Variants in INO80D observed in about 807,000 individuals in gnomAD.
The protein encoded by INO80D is INO80 complex subunit D.
INO80D carries 21 observed loss-of-function variants against 87.6 expected under a neutral mutation model. That is an observed-to-expected ratio of 0.24 (90% CI 0.17 to 0.35). The LOEUF is 0.35. INO80D is among the 10% of genes least tolerant of loss of function. The pLI, the probability that INO80D is intolerant of heterozygous loss-of-function variation, is 1.00. For missense variants in INO80D, 982 were observed against 1,280.7 expected (o/e 0.77, Z 3.56); for synonymous variants, 440 against 491.0 (o/e 0.90, Z 1.37).
intron 1 of INO80D, among the ~76,000 whole-genome samples, chr2:206,078,551 T>C (rs1690185985): frequency 6.6e-6 from 1 of 152,102 alleles, no homozygotes; most frequent in Admixed American, 6.6e-5. Context: ...ATTCCAACAC[T>C]ATGGCAGGCT....
chr2:206,057,425 GAGAGACAGAGAA>G (rs1242525899), intron 3 of INO80D, among the ~76,000 whole-genome samples: 7 of 152,150 alleles, frequency 4.6e-5, no homozygotes, highest in Non-Finnish European at 8.8e-5. Flanking sequence ...CATATACAGA[GAGAGACAGAGAA>G]AGAGAGAGAG....
chr2:206,034,432 G>T (rs1362772294), intron 5 of INO80D, among the ~76,000 whole-genome samples: 1 of 152,108 alleles, frequency 6.6e-6, no homozygotes, highest in Non-Finnish European at 1.5e-5. Flanking sequence ...TGCAGAGATG[G>T]TTTAACATAA....
chr2:206,060,902 A>G (rs932099695), intron 3 of INO80D, among the ~76,000 whole-genome samples: 4 of 152,052 alleles, frequency 2.6e-5, no homozygotes, highest in Admixed American at 6.6e-5. Context: ...TAGAAACATG[A>G]AAGTCCTTTC....
At position 206,004,984 on chromosome 2, in the gene INO80D, G is replaced by A; in HGVS notation, c.2468C>T (p.Ser823Phe). 2 of 1,614,018 alleles carry A rather than the reference G, an allele frequency of 1.2e-6. No homozygotes were observed. The highest frequency in any genetic ancestry group is 1.7e-6 in the Non-Finnish European group (2 of 1,179,880). Residue 823 changes from serine to phenylalanine, a missense_variant, in exon 11 of 11, where the codon TCC (serine) becomes TTC (phenylalanine). Coordinates refer to ENST00000403263, the MANE Select transcript of INO80D (RefSeq NM_017759.5). This position sits in a 1 kb window ranked among gnomAD's most constrained non-coding sequence, Gnocchi z 4.9. Reference sequence around the variant, plus strand: ...ATCATAATGGCTTCCATGGGGTGAGGAGTGTGAGTGATCACTGCTGTATTG... The same window carrying A: ...ATCATAATGGCTTCCATGGGGTGAGAAGTGTGAGTGATCACTGCTGTATTG... ...RQQYSSDHSHSSPHGSHYDSE... is the reference protein window; with the variant it reads ...RQQYSSDHSHFSPHGSHYDSE...
At chr2:206,011,964 T>C (rs1448512227) in intron 8 of INO80D, among the ~76,000 whole-genome samples, 1 of 152,172 alleles carries the variant, frequency 6.6e-6, no homozygotes, top group East Asian at 1.9e-4. Context: ...AGACAACACA[T>C]GGTAACAAAC....
intron 1 of INO80D, among the ~76,000 whole-genome samples, chr2:206,079,484 A>G (rs945234875): frequency 6.6e-6 from 1 of 152,194 alleles, no homozygotes; most frequent in Admixed American, 6.5e-5. Flanking sequence ...CTACCATTTC[A>G]GCAGCCGTCT....
At chr2:206,077,767 CCT>C (rs1690158573) in intron 1 of INO80D, among the ~76,000 whole-genome samples, 1 of 152,070 alleles carries the variant, frequency 6.6e-6, no homozygotes, top group Admixed American at 6.6e-5. Context: ...AAACTAATGG[CCT>C]CTTTGTTACT....
At chr2:206,083,028 C>A (rs1327237510) in intron 1 of INO80D, among the ~76,000 whole-genome samples, 4 of 152,160 alleles carry the variant, frequency 2.6e-5, no homozygotes, top group Admixed American at 2.6e-4. Flanking sequence ...TAAACTAACA[C>A]TTAATAATAA....
chr2:206,016,525 T>C (rs894144681), intron 8 of INO80D, among the ~76,000 whole-genome samples: 2 of 152,182 alleles, frequency 1.3e-5, no homozygotes, highest in African/African-American at 2.4e-5. Flanking sequence ...AATGCTGAAA[T>C]GAGCTGAGAC....
chr2:206,062,726 G>T lies in INO80D; in HGVS notation c.218+73C>A, dbSNP rs566108855. ...AAATGAAGGACAGAAGAAAAGAGAA[G>T]AAAAAACAAGAAAAGAAAAAATTCC... On this transcript the variant is annotated intron_variant, in intron 3 of 10. Transcript: ENST00000403263. This position sits in a 1 kb window ranked among gnomAD's most constrained non-coding sequence, Gnocchi z 4.6. 8.5e-6 allele frequency: 11 copies of T among 1,288,320 alleles called. No homozygotes were observed. In the African/African-American group the frequency reaches 1.5e-4, roughly 18 times the overall value. 79.8% of individuals were successfully genotyped at this position (1,288,320 alleles called of 1,614,324 possible). A position where few individuals can be genotyped will look rare whatever the true frequency, so the allele number is the denominator to read the frequency against.
intron 9 of INO80D, 88 bp from the exon 10 acceptor site, chr2:206,007,529 A>T: frequency 6.9e-7 from 1 of 1,442,806 alleles, no homozygotes; most frequent in Non-Finnish European, 9.4e-7. Context: ...CATGAAAAGA[A>T]GCTAACGTCA....
In INO80D at chr2:206,056,803, A is replaced by C. The variant is rs758593822; in HGVS notation, c.359T>G (p.Leu120Trp). The C allele has an allele frequency of 6.2e-7, 1 of 1,612,548 alleles. No individual in the cohort carries two copies. Among genetic ancestry groups the C allele is most frequent in the South Asian group, 1.1e-5 (1 of 90,692 alleles). The change falls in exon 4 of 11, where the codon TTG (leucine) becomes TGG (tryptophan). Residue 120 changes from leucine to tryptophan, a missense_variant. Physicochemically the swap from Leu to Trp is moderately conservative, Grantham distance 61. Coordinates refer to ENST00000403263, the MANE Select transcript of INO80D (RefSeq NM_017759.5). The part of the protein sequence containing the change: ...AFSLTVPTLA[L>W]KMPNGLDGMS... The stretch of plus-strand genomic sequence containing the variant: ...TCCATCCAGTCCGTTGGGCATCTTC[A>C]AGGCCAACGTGGGCACTGTCAGGCT...
At chr2:206,034,615 T>C (rs997429985) in intron 5 of INO80D, among the ~76,000 whole-genome samples, 4 of 152,192 alleles carry the variant, frequency 2.6e-5, no homozygotes, top group East Asian at 1.9e-4. Flanking sequence ...AAGCCATCTA[T>C]AACAAACCCA....
chr2:206,064,305 G>C (rs1418520054), intron 1 of INO80D, among the ~76,000 whole-genome samples: 1 of 152,136 alleles, frequency 6.6e-6, no homozygotes, highest in Non-Finnish European at 1.5e-5. Context: ...ACACCATCTA[G>C]TCTATCATGA....
intron 1 of INO80D, among the ~76,000 whole-genome samples, chr2:206,076,513 T>C (rs1690120683): frequency 6.6e-6 from 1 of 152,212 alleles, no homozygotes. Flanking sequence ...TGAAAATCTA[T>C]CAACTGATGT....
rs1689717288 is a variant in INO80D at position 206,062,674 on chromosome 2, T to C, written c.218+125A>G. 4 of 771,342 alleles carry C rather than the reference T, an allele frequency of 5.2e-6. No homozygotes were observed. Among genetic ancestry groups the C allele is most frequent in the Non-Finnish European group, 8.4e-6 (4 of 476,986 alleles). The allele number at this position is 771,342 out of a possible 1,614,324, so 47.8% of individuals were successfully genotyped here. A position where few individuals can be genotyped will look rare whatever the true frequency, so the allele number is the denominator to read the frequency against. On this transcript the variant is annotated intron_variant, in intron 3 of 10. Coordinates refer to ENST00000403263, the MANE Select transcript of INO80D (RefSeq NM_017759.5). The surrounding 1 kb of genome is among the most constrained non-coding windows in gnomAD (Gnocchi z 4.6). Reference sequence around the variant, plus strand: ...GATTACCCCCAGAATTCAACATTTATATAGGTGGAGGAAGGGAGGGAGGGA... The same window carrying C: ...GATTACCCCCAGAATTCAACATTTACATAGGTGGAGGAAGGGAGGGAGGGA...
At position 206,085,368 on chromosome 2, in the gene INO80D, G is replaced by T. The variant is rs1690417498; in HGVS notation, c.-124+533C>A. ...AGACCCGGGGGAAGGGGAGCCGGGC[G>T]CCCATTCCCCACTCCCCACTCCTAG... On this transcript the variant is annotated intron_variant, in intron 1 of 10. Transcript: ENST00000403263. The surrounding 1 kb of genome is among the most constrained non-coding windows in gnomAD (Gnocchi z 4.5). Among the ~76,000 whole-genome samples the T allele has an allele frequency of 6.6e-6, 1 of 151,750 alleles. No individual in the cohort carries two copies. The highest frequency in any genetic ancestry group is 1.5e-5 in the Non-Finnish European group (1 of 67,862).
At chr2:206,025,542 A>AAATAT (rs71301548) in intron 6 of INO80D, 43 of 76,942 alleles carry the variant, frequency 5.6e-4, no homozygotes, top group Non-Finnish European at 8.2e-4. Context: ...AAAAAAAAAA[A>AAATAT]ATATATATAT....
At chr2:206,024,437 G>C (rs1173810571) in intron 6 of INO80D, among the ~76,000 whole-genome samples, 2 of 151,912 alleles carry the variant, frequency 1.3e-5, no homozygotes, top group Non-Finnish European at 2.9e-5. Flanking sequence ...GGATGTTCTA[G>C]AACAGATACT....
Sources: allele counts gnomAD v4.1 joint callset (sites outside exome capture counted in the v4.1 genomes callset), GRCh38; gene constraint gnomAD v4.1.1; non-coding constraint Gnocchi (gnomAD v3.1); transcripts MANE v1.5; gene names NCBI Gene and HGNC (gene_info 2026-07-23, HGNC 2026-07-21).